The following SLC37A1 variants were observed in gnomAD, a reference collection of about 807,000 sequenced individuals.
SLC37A1 encodes the protein glucose-6-phosphate exchanger SLC37A1.
SLC37A1 carries 49 observed loss-of-function variants against 75.3 expected under a neutral mutation model. The observed-to-expected ratio is 0.65, with a 90% CI of 0.52 to 0.83. The LOEUF is 0.83. SLC37A1 is among the 40% of genes least tolerant of loss of function. The pLI, the probability that SLC37A1 is intolerant of heterozygous loss-of-function variation, is 0.00. For missense variants in SLC37A1, 566 were observed against 695.0 expected, an observed-to-expected ratio of 0.81 and a Z score of 2.09; for synonymous variants, 268 against 292.1, an observed-to-expected ratio of 0.92 and a Z score of 0.84.
chr21:42,504,935 A>G (rs768644569), intron 2 of SLC37A1, among the ~76,000 whole-genome samples: 1 of 152,120 alleles, frequency 6.6e-6, no homozygotes, highest in South Asian at 2.1e-4. Context: ...CCCTTCCCCA[A>G]CCAATCTCCA....
At chr21:42,560,904 C>G (rs1483765250) in intron 11 of SLC37A1, among the ~76,000 whole-genome samples, 1 of 152,140 alleles carries the variant, frequency 6.6e-6, no homozygotes. Context: ...CTTCAGAGGT[C>G]CCGCTCAAGC....
rs546693769 is a variant in SLC37A1 at position 42,556,060 on chromosome 21, T to C, written c.849+1918T>C. 1.3e-4 allele frequency among the ~76,000 whole-genome samples: 20 copies of C among 152,270 alleles called. 1 individual carries two copies. In the South Asian group the frequency reaches 2.3e-3, roughly 17 times the overall value. On this transcript the variant is annotated intron_variant, in intron 10 of 19. Coordinates refer to ENST00000352133, the MANE Select transcript of SLC37A1 (RefSeq NM_001320537.2). ...CTTTTCAGACAGAGCTGCTACACTATGTCACGTAGCAGGCAGTTTCTCAGT... is the reference window on the plus strand; with the variant it reads ...CTTTTCAGACAGAGCTGCTACACTACGTCACGTAGCAGGCAGTTTCTCAGT...
chr21:42,525,261 T>C (rs1016120303), intron 2 of SLC37A1, among the ~76,000 whole-genome samples: 1 of 152,258 alleles, frequency 6.6e-6, no homozygotes, highest in Admixed American at 6.5e-5. Flanking sequence ...GGCAAATTAA[T>C]CGAACCTGAG....
Position 42,580,623 on chromosome 21 carries a change from T to C in SLC37A1, c.*263T>C, listed in dbSNP as rs2056405623. On this transcript the variant is annotated 3_prime_UTR_variant, in exon 20 of 20. Transcript: ENST00000352133. ...ACCGAAGACCCGGCCGGCCCTGGCC[T>C]CACAGGCGTGTGCCCATGCAGCCAC... 1 of 317,656 alleles carries C rather than the reference T, an allele frequency of 3.1e-6. No individual in the cohort carries two copies. The highest frequency in any genetic ancestry group is 6.0e-6 in the Non-Finnish European group (1 of 166,912). The allele number at this position is 317,656 out of a possible 1,614,324, so 19.7% of individuals were successfully genotyped here.
chr21:42,554,500 T>C (rs2055634590), intron 10 of SLC37A1, among the ~76,000 whole-genome samples: 1 of 152,134 alleles, frequency 6.6e-6, no homozygotes, highest in Non-Finnish European at 1.5e-5. Context: ...TCAGCTGGCC[T>C]TGGGAGGCTT....
intron 15 of SLC37A1, 94 bp downstream of exon 15, chr21:42,565,969 A>G (rs749942195): frequency 1.3e-4 from 170 of 1,332,064 alleles, no homozygotes; most frequent in Non-Finnish European, 1.8e-4. Context: ...AGGCGCATTG[A>G]GCTGGTTTAA....
chr21:42,524,038 T>C lies in SLC37A1; in HGVS notation c.57-1738T>C, dbSNP rs556496878. Among the ~76,000 whole-genome samples the C allele has an allele frequency of 2.6e-5, 4 of 152,206 alleles. No homozygotes were observed. The South Asian group carries it at 8.3e-4, about 32-fold the overall frequency. On this transcript the variant is annotated intron_variant, in intron 2 of 19. Coordinates refer to ENST00000352133, the MANE Select transcript of SLC37A1 (RefSeq NM_001320537.2). ...TCGGAGTAAATCACAACATTAAAAA[T>C]GTAGATGCGCAGCTGGGAGAAGCAA... is the stretch of plus-strand genomic sequence containing the variant.
chr21:42,507,651 C>T (rs2054396419), intron 2 of SLC37A1, among the ~76,000 whole-genome samples: 1 of 152,216 alleles, frequency 6.6e-6, no homozygotes. Context: ...CCAGCACGTA[C>T]TTCTTACGAA....
chr21:42,549,526 G>T (rs979912817), intron 9 of SLC37A1, among the ~76,000 whole-genome samples: 2 of 152,218 alleles, frequency 1.3e-5, no homozygotes, highest in Non-Finnish European at 2.9e-5. Context: ...TTGGCTGGTC[G>T]CAGAGGGAGA....
At chr21:42,579,676 G>A (rs563824226) in intron 18 of SLC37A1, 60 bp from the exon 19 acceptor site, 8 of 1,598,432 alleles carry the variant, frequency 5.0e-6, no homozygotes, top group South Asian at 3.3e-5. Context: ...TGGTGCCCAC[G>A]GCGCGGGCCG....
intron 3 of SLC37A1, among the ~76,000 whole-genome samples, chr21:42,531,524 G>A (rs73905680): frequency 0.026 from 3,997 of 152,296 alleles, 168 homozygotes; most frequent in African/African-American, 0.091. Context: ...TTGTTGAAAG[G>A]CACTTGTGTA....
chr21:42,535,696 G>C lies in SLC37A1; in HGVS notation c.350+146G>C, dbSNP rs985121780. 4 of 701,430 alleles carry C rather than the reference G, an allele frequency of 5.7e-6. No homozygotes were observed. In the East Asian group the frequency reaches 1.0e-4, roughly 18 times the overall value. The allele number at this position is 701,430 out of a possible 1,614,324, so 43.5% of individuals were successfully genotyped here. A position where few individuals can be genotyped will look rare whatever the true frequency, so the allele number is the denominator to read the frequency against. On this transcript the variant is annotated intron_variant, in intron 5 of 19. Coordinates refer to ENST00000352133, the MANE Select transcript of SLC37A1 (RefSeq NM_001320537.2). ...TCCCTGCTGTTCCCTTCCCAAAGACGAGGCCAAGCTTAGGAGAGAGCAAGT... is the reference window on the plus strand; with the variant it reads ...TCCCTGCTGTTCCCTTCCCAAAGACCAGGCCAAGCTTAGGAGAGAGCAAGT...
chr21:42,542,880 C>T (rs572256312), intron 7 of SLC37A1, among the ~76,000 whole-genome samples: 7 of 152,366 alleles, frequency 4.6e-5, no homozygotes, highest in African/African-American at 1.2e-4. Flanking sequence ...CCCAGCCTGG[C>T]GAGTCCAGAT....
Position 42,580,363 on chromosome 21 carries a change from C to T in SLC37A1, c.*3C>T. Reference sequence around the variant, plus strand: ...CTTTCAGATTTAAGGAACAGTGACACCCCACCCCAGTCCCGTGGAGGGGGT... The same window carrying T: ...CTTTCAGATTTAAGGAACAGTGACATCCCACCCCAGTCCCGTGGAGGGGGT... On this transcript the variant is annotated 3_prime_UTR_variant, in exon 20 of 20. Coordinates refer to ENST00000352133, the MANE Select transcript of SLC37A1 (RefSeq NM_001320537.2). 1 of 1,613,266 alleles carries T rather than the reference C, an allele frequency of 6.2e-7. No individual in the cohort carries two copies. The highest frequency in any genetic ancestry group is 8.5e-7 in the Non-Finnish European group (1 of 1,179,788).
intron 17 of SLC37A1, 96 bp downstream of exon 17, chr21:42,568,534 C>A: frequency 2.5e-6 from 3 of 1,209,826 alleles, no homozygotes; most frequent in Non-Finnish European, 2.4e-6. Flanking sequence ...CCAACTGCAT[C>A]TATAACATTG....
chr21:42,518,569 GCA>G, intron 2 of SLC37A1, 59 bp downstream of exon 2: 4 of 1,573,692 alleles, frequency 2.5e-6, no homozygotes, highest in South Asian at 2.2e-5. Flanking sequence ...GGGCTACTGT[GCA>G]GGTAGTTGTG....
intron 11 of SLC37A1, among the ~76,000 whole-genome samples, chr21:42,561,090 G>T (rs111230466): frequency 2.5e-3 from 379 of 152,284 alleles, no homozygotes; most frequent in African/African-American, 8.8e-3. Flanking sequence ...AAAGGCATAC[G>T]GTAAATTACA....
At chr21:42,540,298 GTTTC>G (rs1478611018) in intron 6 of SLC37A1, among the ~76,000 whole-genome samples, 1 of 152,224 alleles carries the variant, frequency 6.6e-6, no homozygotes, top group Middle Eastern at 3.2e-3. Context: ...GCCAGGGTTA[GTTTC>G]TTTCCATGTT....
rs118141668 is a variant in SLC37A1, at chr21:42,567,622, T to A, written c.1344+564T>A. ...TTTTTTAGACTTCAAAATACGTAGG[T>A]TCTGGATGATTTTCATATTGTGTGT... On this transcript the variant is annotated intron_variant, in intron 16 of 19. Transcript: ENST00000352133. Among the ~76,000 whole-genome samples the A allele has an allele frequency of 4.9e-4, 74 of 152,300 alleles. No homozygotes were observed. In the East Asian group the frequency reaches 0.014, roughly 29 times the overall value.
Sources: allele counts gnomAD v4.1 joint callset (sites outside exome capture counted in the v4.1 genomes callset), GRCh38; gene constraint gnomAD v4.1.1; transcripts MANE v1.5; gene names NCBI Gene and HGNC (gene_info 2026-07-23, HGNC 2026-07-21).